The following SLC8A3 variants were observed in gnomAD, a reference collection of about 807,000 sequenced individuals.
SLC8A3 encodes the protein solute carrier family 8 member A3.
A neutral mutation model predicts 65.4 loss-of-function variants in SLC8A3; 37 were observed. That is an observed-to-expected ratio of 0.57 (90% CI 0.44 to 0.74). SLC8A3 has a LOEUF of 0.74. SLC8A3 is among the 30% of genes least tolerant of loss of function. The probability of loss-of-function intolerance (pLI) is 0.00; values close to 1 mark genes in which losing one functional copy is unlikely to be tolerated. For missense variants in SLC8A3, 1,112 were observed against 1,172.1 expected (o/e 0.95, Z 0.75); for synonymous variants, 461 against 444.5 (o/e 1.04, Z -0.47).
intron 2 of SLC8A3, among the ~76,000 whole-genome samples, chr14:70,162,209 T>C (rs2140348397): frequency 6.6e-6 from 1 of 152,310 alleles, no homozygotes; most frequent in South Asian, 2.1e-4. Flanking sequence ...TAACATTTTA[T>C]TGATGGATAA....
chr14:70,164,302 T>A (rs1897046413), intron 2 of SLC8A3, among the ~76,000 whole-genome samples: 1 of 152,182 alleles, frequency 6.6e-6, no homozygotes, highest in Non-Finnish European at 1.5e-5. Flanking sequence ...TAATACTGCC[T>A]CTAGTTGTAA....
At chr14:70,114,234 T>C (rs891972978) in intron 2 of SLC8A3, among the ~76,000 whole-genome samples, 3 of 152,144 alleles carry the variant, frequency 2.0e-5, no homozygotes, top group African/African-American at 4.8e-5. Flanking sequence ...TTCAGCACTG[T>C]TGACATCTGA....
At chr14:70,094,649 T>C (rs192795805) in intron 2 of SLC8A3, among the ~76,000 whole-genome samples, 101 of 151,650 alleles carry the variant, frequency 6.7e-4, no homozygotes, top group African/African-American at 2.2e-3. Flanking sequence ...GAGGGAGGAG[T>C]GGGGTTCAGT....
intron 2 of SLC8A3, among the ~76,000 whole-genome samples, chr14:70,136,375 G>A (rs748480366): frequency 1.3e-4 from 20 of 152,154 alleles, no homozygotes; most frequent in Non-Finnish European, 2.6e-4. Context: ...GCTTTGTTAC[G>A]GTAGTCCCAA....
At chr14:70,079,330 C>CAAAAAAAAAAAA (rs11464342) in intron 2 of SLC8A3, among the ~76,000 whole-genome samples, 27 of 80,894 alleles carry the variant, frequency 3.3e-4, no homozygotes, top group Non-Finnish European at 4.2e-4. Flanking sequence ...CTAAAAAATA[C>CAAAAAAAAAAAA]AAAAAAAAAA....
At chr14:70,083,709 C>T (rs1038445819) in intron 2 of SLC8A3, among the ~76,000 whole-genome samples, 2 of 152,202 alleles carry the variant, frequency 1.3e-5, no homozygotes, top group Non-Finnish European at 2.9e-5. Flanking sequence ...TTCCACTTGA[C>T]AGTTACAGGA....
chr14:70,170,738 T>C (rs1257036336), intron 1 of SLC8A3, among the ~76,000 whole-genome samples: 1 of 152,152 alleles, frequency 6.6e-6, no homozygotes, highest in Non-Finnish European at 1.5e-5. Context: ...AGGGTGCATA[T>C]TGTCCCCATG....
At chr14:70,146,422 G>C (rs924449681) in intron 2 of SLC8A3, among the ~76,000 whole-genome samples, 3 of 152,130 alleles carry the variant, frequency 2.0e-5, no homozygotes, top group African/African-American at 7.2e-5. Context: ...CCAATGCCTA[G>C]AAGAGTTGGG....
chr14:70,162,802 TC>T (rs1184229329), intron 2 of SLC8A3, among the ~76,000 whole-genome samples: 2 of 152,198 alleles, frequency 1.3e-5, no homozygotes, highest in Admixed American at 6.5e-5. Flanking sequence ...ATCAATAATA[TC>T]CCTCTTAAAT....
intron 2 of SLC8A3, among the ~76,000 whole-genome samples, chr14:70,164,594 T>C (rs1348324893): frequency 6.6e-6 from 1 of 152,188 alleles, no homozygotes; most frequent in Non-Finnish European, 1.5e-5. Context: ...GGTTTAGTCG[T>C]ATTCAGAGAC....
chr14:70,165,030 C>T (rs11621322), intron 2 of SLC8A3, among the ~76,000 whole-genome samples: 65,218 of 152,050 alleles, frequency 0.43, 14,863 homozygotes, highest in East Asian at 0.94. Context: ...GAGACAATAT[C>T]CCCTGATCCA....
chr14:70,073,266 T>C (rs1594937913), intron 2 of SLC8A3, among the ~76,000 whole-genome samples: 1 of 152,168 alleles, frequency 6.6e-6, no homozygotes, highest in East Asian at 1.9e-4. Context: ...GTAGTCTCTG[T>C]ATGAGTGTTA....
intron 2 of SLC8A3, among the ~76,000 whole-genome samples, chr14:70,163,184 CATACTT>C (rs1422063192): frequency 1.3e-5 from 2 of 152,188 alleles, no homozygotes; most frequent in Non-Finnish European, 2.9e-5. Context: ...GCATTTTTCT[CATACTT>C]ATATTTAGTA....
chr14:70,165,210 C>G (rs1897102039), intron 2 of SLC8A3, among the ~76,000 whole-genome samples: 1 of 152,200 alleles, frequency 6.6e-6, no homozygotes, highest in Non-Finnish European at 1.5e-5. Context: ...AATAAATGAC[C>G]TGCCCCAAGT....
intron 3 of SLC8A3, among the ~76,000 whole-genome samples, chr14:70,057,384 G>A (rs1888274203): frequency 6.6e-6 from 1 of 152,206 alleles, no homozygotes; most frequent in Non-Finnish European, 1.5e-5. Context: ...GCGTGGAAGA[G>A]CTTCCCCCAA....
intron 2 of SLC8A3, among the ~76,000 whole-genome samples, chr14:70,132,659 T>G (rs1055170237): frequency 6.6e-6 from 1 of 152,216 alleles, no homozygotes; most frequent in Non-Finnish European, 1.5e-5. Flanking sequence ...TTTGAGGTCA[T>G]GATCCTGGCA....
rs751121954 is a variant in SLC8A3, at chr14:70,060,763, TG to T, written c.1888+72del. On this transcript the variant is annotated intron_variant, in intron 3 of 6. Coordinates refer to ENST00000356921, the MANE Select transcript of SLC8A3 (RefSeq NM_182932.3). ...AAAAATATAGCTGCTTTTTCTTTTT[TG>T]TTGTTGTTTTTCAGTTTGTTTTAAT... 3 of 878,186 alleles carry T rather than the reference TG, an allele frequency of 3.4e-6. No individual in the cohort carries two copies. The East Asian group carries it at 7.2e-5, about 21-fold the overall frequency. 54.4% of individuals were successfully genotyped at this position (878,186 alleles called of 1,614,324 possible).
intron 2 of SLC8A3, chr14:70,063,754 G>T: frequency 1.2e-6 from 1 of 856,016 alleles, no homozygotes; most frequent in Non-Finnish European, 1.9e-6. Context: ...GAGACAAATG[G>T]GTTGGAGAGG....
chr14:70,071,152 C>T (rs66612261), intron 2 of SLC8A3, among the ~76,000 whole-genome samples: 16,511 of 152,080 alleles, frequency 0.11, 986 homozygotes, highest in South Asian at 0.21. Context: ...TCAAAAAGGC[C>T]TTTGGGAAAA....
Sources: allele counts gnomAD v4.1 joint callset (sites outside exome capture counted in the v4.1 genomes callset), GRCh38; gene constraint gnomAD v4.1.1; transcripts MANE v1.5; gene names NCBI Gene and HGNC (gene_info 2026-07-23, HGNC 2026-07-21).